Variants in RYR1 observed in about 807,000 individuals in gnomAD.
RYR1 encodes ryanodine receptor 1.
A neutral mutation model predicts 583.5 loss-of-function variants in RYR1; 342 were observed. That is an observed-to-expected ratio of 0.59 (90% CI 0.54 to 0.64). The LOEUF (loss-of-function observed/expected upper bound fraction) is 0.64, where lower values mean the gene tolerates loss of function less well. RYR1 is among the 30% of genes least tolerant of loss of function. The probability of loss-of-function intolerance (pLI) is 0.00; values close to 1 mark genes in which losing one functional copy is unlikely to be tolerated. For synonymous variants in RYR1, 2,791 were observed against 2,822.5 expected (o/e 0.99, Z 0.35); for missense variants, 6,032 against 6,917.2 (o/e 0.87, Z 4.54).
chr19:38,563,556 T>A (rs1973251703), intron 90 of RYR1, among the ~76,000 whole-genome samples: 1 of 152,222 alleles, frequency 6.6e-6, no homozygotes, highest in African/African-American at 2.4e-5. Context: ...TGCGCCACCG[T>A]GGCCTGCCCA....
Position 38,455,765 on chromosome 19 carries a change from C to A in RYR1, c.1791+14C>A. The A allele has an allele frequency of 6.7e-7, 1 of 1,494,376 alleles. No individual in the cohort carries two copies. Among genetic ancestry groups the A allele is most frequent in the Non-Finnish European group, 9.3e-7 (1 of 1,072,200 alleles). The allele number at this position is 1,494,376 out of a possible 1,614,324, so 92.6% of individuals were successfully genotyped here. On this transcript the variant is annotated intron_variant, in intron 16 of 105. Coordinates refer to ENST00000359596, the MANE Select transcript of RYR1 (RefSeq NM_000540.3). ...AGGAACCACAAGGTCGGCCCCTCAC[C>A]CCTGACCTCTCATCCCCTGAACTCT...
chr19:38,460,564 C>G lies in RYR1; in HGVS notation c.2550C>G (p.Phe850Leu), dbSNP rs757850226. 1 of 1,613,182 alleles carries G rather than the reference C, an allele frequency of 6.2e-7. No individual in the cohort carries two copies. Among genetic ancestry groups the G allele is most frequent in the Admixed American group, 1.7e-5 (1 of 60,026 alleles). ...GTCGCTGCCTCTCACACACCGACTT[C>G]GTGCCCTGCCCTGTGGACACTGTCC... ...GPSRCLSHTDFVPCPVDTVQI... is the reference protein window; with the variant it reads ...GPSRCLSHTDLVPCPVDTVQI... The change falls in exon 20 of 106, where the codon TTC becomes TTG. Residue 850 changes from phenylalanine to leucine, a missense_variant. By Grantham distance (22) the Phe-to-Leu change is conservative. Around this residue, in one of 11 missense-constraint regions of RYR1, gnomAD observed 2,627 missense variants for 2,961.3 expected, o/e 0.89. Coordinates refer to ENST00000359596, the MANE Select transcript of RYR1 (RefSeq NM_000540.3).
At chr19:38,487,510 T>C (rs959969995) in intron 34 of RYR1, among the ~76,000 whole-genome samples, 2 of 152,042 alleles carry the variant, frequency 1.3e-5, no homozygotes, top group African/African-American at 4.8e-5. Flanking sequence ...CCCGCCACCA[T>C]GCCCGGCTAA....
At chr19:38,506,997 A>T (rs1568514415) in intron 57 of RYR1, 45 bp downstream of exon 57, 2 of 1,611,228 alleles carry the variant, frequency 1.2e-6, no homozygotes, top group Admixed American at 1.7e-5. Context: ...GGCAGAACAC[A>T]CCCGGCAAAG....
intron 90 of RYR1, 49 bp from the exon 91 acceptor site, chr19:38,564,910 C>T (rs781461048): frequency 3.2e-6 from 5 of 1,543,784 alleles, no homozygotes; most frequent in Admixed American, 2.0e-5. Context: ...CGCTGCTGTC[C>T]GAGCCCCCGC....
At chr19:38,515,776 G>A (rs1332385286) in intron 64 of RYR1, among the ~76,000 whole-genome samples, 1 of 151,970 alleles carries the variant, frequency 6.6e-6, no homozygotes, top group Non-Finnish European at 1.5e-5. Context: ...CTACAAAAAC[G>A]ACTTTTTTTA....
intron 102 of RYR1, 138 bp downstream of exon 102, chr19:38,585,237 T>G (rs1974421171): frequency 9.9e-7 from 1 of 1,005,236 alleles, no homozygotes; most frequent in Non-Finnish European, 1.5e-6. Context: ...GCAAGTCACC[T>G]CTCGGGGCCT....
intron 31 of RYR1, among the ~76,000 whole-genome samples, chr19:38,479,710 G>GC (rs1296762086): frequency 2.0e-5 from 3 of 151,200 alleles, no homozygotes; most frequent in Admixed American, 1.3e-4. Flanking sequence ...ACTGTGCCTG[G>GC]CTTATTTTTT....
intron 82 of RYR1, among the ~76,000 whole-genome samples, chr19:38,536,484 T>C (rs937024632): frequency 2.0e-5 from 3 of 151,384 alleles, no homozygotes; most frequent in Admixed American, 1.3e-4. Context: ...CCTTTCTACC[T>C]CTATGTCTTC....
At chr19:38,476,644 C>A (rs1345710851) in intron 29 of RYR1, among the ~76,000 whole-genome samples, 3 of 152,104 alleles carry the variant, frequency 2.0e-5, no homozygotes, top group African/African-American at 7.2e-5. Flanking sequence ...TAGATTCTTA[C>A]AAGGAGTACT....
intron 34 of RYR1, among the ~76,000 whole-genome samples, chr19:38,486,562 C>CA (rs1969308747): frequency 6.6e-6 from 1 of 152,126 alleles, no homozygotes; most frequent in Non-Finnish European, 1.5e-5. Context: ...AGGCTGGTCT[C>CA]AAACTCCTGA....
chr19:38,564,915 C>T, intron 90 of RYR1, 44 bp from the exon 91 acceptor site: 2 of 1,547,740 alleles, frequency 1.3e-6, no homozygotes, highest in Non-Finnish European at 1.7e-6. Context: ...CTGTCCGAGC[C>T]CCCGCTGACG....
chr19:38,485,643 C>G lies in RYR1; in HGVS notation c.4988C>G (p.Ser1663Trp), dbSNP rs1969242788. The change falls in exon 34 of 106, where the codon TCG becomes TGG. Residue 1663 changes from serine (S) to tryptophan (W), a missense_variant. Physicochemically the swap from Ser to Trp is radical, Grantham distance 177 (BLOSUM62 -3). Coordinates refer to ENST00000359596, the MANE Select transcript of RYR1 (RefSeq NM_000540.3). Reference protein sequence around the residue: ...SERLDLQRFHSHTLRLYRAVC... With the variant: ...SERLDLQRFHWHTLRLYRAVC... ...CGCCTGGACCTGCAGCGCTTCCACT[C>G]GCACACCCTGCGCCTCTACCGCGCT... The G allele has an allele frequency of 1.2e-6, 2 of 1,610,620 alleles. No homozygotes were observed. The highest frequency in any genetic ancestry group is 1.7e-6 in the Non-Finnish European group (2 of 1,179,944).
intron 67 of RYR1, among the ~76,000 whole-genome samples, chr19:38,521,909 C>G (rs186345394): frequency 3.3e-4 from 50 of 151,766 alleles, no homozygotes; most frequent in African/African-American, 1.2e-3. Context: ...GAGGTTTCAC[C>G]GTGTTAGCCA....
rs1016038940 is a variant in RYR1 at position 38,444,870 on chromosome 19, C to T, written c.631+193C>T. On this transcript the variant is annotated intron_variant, in intron 7 of 105. Transcript: ENST00000359596. The surrounding 1 kb of genome is among the most constrained non-coding windows in gnomAD (Gnocchi z 5.1). ...CAGAGCTCAGAACCCCCCCAAACCC[C>T]GAACTAAATATCAGGCTCCCAAACT... Among the ~76,000 whole-genome samples the T allele has an allele frequency of 1.3e-5, 2 of 151,546 alleles. No individual in the cohort carries two copies. Among genetic ancestry groups the T allele is most frequent in the Non-Finnish European group, 2.9e-5 (2 of 67,894 alleles).
At chr19:38,489,491 A>G in intron 35 of RYR1, 48 bp downstream of exon 35, 2 of 1,609,960 alleles carry the variant, frequency 1.2e-6, no homozygotes, top group African/African-American at 1.3e-5. Context: ...CTGGGCTGGG[A>G]GACACAGGGT....
chr19:38,468,003 A>G (rs1388618990), intron 25 of RYR1, 191 bp downstream of exon 25: 13 of 617,868 alleles, frequency 2.1e-5, no homozygotes, highest in Non-Finnish European at 3.5e-5. Context: ...TCTATCAGAC[A>G]TCCATCTATC....
chr19:38,507,736 C>G lies in RYR1; in HGVS notation c.8841C>G (p.Asp2947Glu). 6.2e-7 allele frequency: 1 copy of G among 1,612,972 alleles called. No individual in the cohort carries two copies. Among genetic ancestry groups the G allele is most frequent in the Non-Finnish European group, 8.5e-7 (1 of 1,178,936 alleles). ...VTRGLKDMEL[D>E]SSSIEKRFAF... ...GAGGCCTTAAGGACATGGAACTGGA[C>G]TCGTCTTCCATTGAAAAGCGGTTTG... The change falls in exon 58 of 106, where the codon GAC (aspartate) becomes GAG (glutamate). Residue 2947 changes from aspartate (D) to glutamate (E), a missense_variant. Transcript: ENST00000359596.
intron 76 of RYR1, among the ~76,000 whole-genome samples, chr19:38,531,918 A>G (rs1971754401): frequency 6.6e-6 from 1 of 151,928 alleles, no homozygotes; most frequent in African/African-American, 2.4e-5. Context: ...AACAAAATAA[A>G]CAAACAAAAC....
Sources: gnomAD v4.1 joint callset for allele counts (sites outside exome capture counted in the v4.1 genomes callset) on GRCh38, gnomAD v4.1.1 for gene constraint, gnomAD v4.1.1 regional missense constraint, Gnocchi (gnomAD v3.1) non-coding constraint, MANE v1.5 for transcripts, NCBI Gene and HGNC (gene_info 2026-07-23, HGNC 2026-07-21) for gene names.